Variants in SGCZ observed in about 807,000 individuals in gnomAD.
The protein encoded by SGCZ is sarcoglycan zeta, also known as zeta-sarcoglycan.
A neutral mutation model predicts 41.3 loss-of-function variants in SGCZ; 40 were observed. The ratio of observed to expected loss-of-function variants is 0.97; its 90% confidence interval spans 0.75 to 1.26. The LOEUF is 1.26. SGCZ is among the 50% of genes most tolerant of loss of function. The pLI is 0.00. For missense variants in SGCZ, 552 were observed against 369.8 expected (o/e 1.49, Z -4.04); for synonymous variants, 206 against 137.5 (o/e 1.50, Z -3.49).
At chr8:14,707,608 A>G (rs541589877) in intron 1 of SGCZ, among the ~76,000 whole-genome samples, 1 of 152,306 alleles carries the variant, frequency 6.6e-6, no homozygotes, top group African/African-American at 2.4e-5. Flanking sequence ...CAGAATGAGT[A>G]CAACAAAGAT....
chr8:14,119,635 C>T (rs998055347), intron 5 of SGCZ, among the ~76,000 whole-genome samples: 10 of 152,086 alleles, frequency 6.6e-5, no homozygotes, highest in African/African-American at 1.7e-4. Context: ...TTGTCTTATG[C>T]CAGTTTTTGA....
intron 1 of SGCZ, among the ~76,000 whole-genome samples, chr8:15,209,262 T>G (rs1801165255): frequency 6.6e-6 from 1 of 152,088 alleles, no homozygotes; most frequent in Non-Finnish European, 1.5e-5. Context: ...TTTGTAAAAC[T>G]TTGAACGTTC....
chr8:14,303,815 G>A (rs898037310), intron 3 of SGCZ, among the ~76,000 whole-genome samples: 5 of 151,976 alleles, frequency 3.3e-5, no homozygotes, highest in South Asian at 2.1e-4. Flanking sequence ...GAAGTGGCGC[G>A]ATCTCGGCTC....
chr8:14,497,163 T>G (rs965912146), intron 2 of SGCZ, among the ~76,000 whole-genome samples: 1 of 152,164 alleles, frequency 6.6e-6, no homozygotes, highest in Non-Finnish European at 1.5e-5. Context: ...AAGAAATACC[T>G]GAGGCTGGGT....
At chr8:14,740,483 G>A (rs1186538940) in intron 1 of SGCZ, among the ~76,000 whole-genome samples, 1 of 151,970 alleles carries the variant, frequency 6.6e-6, no homozygotes, top group African/African-American at 2.4e-5. Flanking sequence ...GGGGCCCTGT[G>A]GATGGCTCAC....
At chr8:14,413,528 T>C (rs888265070) in intron 2 of SGCZ, among the ~76,000 whole-genome samples, 1 of 152,006 alleles carries the variant, frequency 6.6e-6, no homozygotes, top group African/African-American at 2.4e-5. Flanking sequence ...TAAATGGATG[T>C]TTCAGGATTA....
At chr8:15,146,148 A>T (rs957387761) in intron 1 of SGCZ, among the ~76,000 whole-genome samples, 1 of 152,168 alleles carries the variant, frequency 6.6e-6, no homozygotes, top group Non-Finnish European at 1.5e-5. Context: ...CTAAGAAAAA[A>T]ATTGAAATAA....
chr8:14,885,984 GTTATAT>G lies in SGCZ; in HGVS notation c.40-331064_40-331059del, dbSNP rs1201487303. 3.4e-3 allele frequency among the ~76,000 whole-genome samples: 198 copies of G among 58,386 alleles called. 4 individuals are homozygous for G. Among genetic ancestry groups the G allele is most frequent in the African/African-American group, 0.013 (192 of 15,060 alleles). 38.3% of individuals were successfully genotyped at this position (58,386 alleles called of 152,430 possible). On this transcript the variant is annotated intron_variant, in intron 1 of 7. Coordinates refer to ENST00000382080, the MANE Select transcript of SGCZ (RefSeq NM_139167.4). ...CTTTTTTAATCATAAAGGACTTTATGTTATATATATATATATATATATATATATATA... is the reference window on the plus strand; with the variant it reads ...CTTTTTTAATCATAAAGGACTTTATGATATATATATATATATATATATATA...
Position 15,170,840 on chromosome 8 carries a change from A to C in SGCZ, c.39+66745T>G, listed in dbSNP as rs185167785. Among the ~76,000 whole-genome samples the C allele has an allele frequency of 9.3e-4, 141 of 152,342 alleles. 2 individuals carry two copies. The highest frequency in any genetic ancestry group is 1.7e-3 in the Non-Finnish European group (114 of 68,030). ...TATGGACTATATAAAATGAATGAAG[A>C]AGTAAGAAATTGTGAAACATCTATG... On this transcript the variant is annotated intron_variant, in intron 1 of 7. Transcript: ENST00000382080.
At chr8:15,195,999 G>A (rs1207127678) in intron 1 of SGCZ, among the ~76,000 whole-genome samples, 2 of 126,322 alleles carry the variant, frequency 1.6e-5, no homozygotes, top group African/African-American at 6.0e-5. Context: ...CCGGGTTCAC[G>A]CCATTCTCCT....
chr8:14,682,498 A>G (rs1477642019), intron 1 of SGCZ, among the ~76,000 whole-genome samples: 3 of 150,640 alleles, frequency 2.0e-5, no homozygotes, highest in African/African-American at 7.3e-5. Context: ...GCAGTGGTGC[A>G]ATCACGGCTC....
At chr8:14,282,097 GA>G (rs757832125) in intron 3 of SGCZ, among the ~76,000 whole-genome samples, 8 of 150,156 alleles carry the variant, frequency 5.3e-5, no homozygotes, top group Non-Finnish European at 7.4e-5. Context: ...TCAAAACAAG[GA>G]ATTTAATAAA....
At chr8:14,645,315 G>A (rs1300582309) in intron 1 of SGCZ, among the ~76,000 whole-genome samples, 1 of 150,712 alleles carries the variant, frequency 6.6e-6, no homozygotes, top group Non-Finnish European at 1.5e-5. Context: ...AAATAATCAT[G>A]ATTTTTTAAA....
At chr8:14,938,303 G>A (rs1036197022) in intron 1 of SGCZ, among the ~76,000 whole-genome samples, 59 of 152,150 alleles carry the variant, frequency 3.9e-4, no homozygotes, top group Non-Finnish European at 8.8e-5. Flanking sequence ...ACATACTTTC[G>A]AACTGTGCTG....
At chr8:14,626,689 C>G (rs1806467184) in intron 1 of SGCZ, among the ~76,000 whole-genome samples, 1 of 152,002 alleles carries the variant, frequency 6.6e-6, no homozygotes, top group Non-Finnish European at 1.5e-5. Flanking sequence ...GGAGCTTATG[C>G]TACCACAAGC....
At chr8:14,309,598 T>C (rs867277912) in intron 3 of SGCZ, 10 of 1,610,866 alleles carry the variant, frequency 6.2e-6, no homozygotes, top group Middle Eastern at 4.5e-4. Flanking sequence ...CATCCAAAGA[T>C]AGTGACTGGT....
intron 1 of SGCZ, among the ~76,000 whole-genome samples, chr8:14,792,298 C>T (rs1348137287): frequency 6.6e-6 from 1 of 152,176 alleles, no homozygotes; most frequent in African/African-American, 2.4e-5. Context: ...TATAGACACA[C>T]TAATCAATAT....
intron 1 of SGCZ, among the ~76,000 whole-genome samples, chr8:14,994,723 C>T (rs552713241): frequency 1.3e-5 from 2 of 152,096 alleles, no homozygotes; most frequent in Non-Finnish European, 2.9e-5. Context: ...ACTCATCTGA[C>T]TCAATGAGCA....
At chr8:14,415,190 G>T (rs1418877008) in intron 2 of SGCZ, among the ~76,000 whole-genome samples, 1 of 151,728 alleles carries the variant, frequency 6.6e-6, no homozygotes, top group Non-Finnish European at 1.5e-5. Flanking sequence ...ATTAAATAAT[G>T]CTTCACAAGT....
Sources: allele counts gnomAD v4.1 joint callset (sites outside exome capture counted in the v4.1 genomes callset), GRCh38; gene constraint gnomAD v4.1.1; transcripts MANE v1.5; gene names NCBI Gene and HGNC (gene_info 2026-07-23, HGNC 2026-07-21).